Variants in TMEM117 observed in about 807,000 individuals in gnomAD.
TMEM117 encodes the protein transmembrane protein 117.
A neutral mutation model predicts 52.4 loss-of-function variants in TMEM117; 27 were observed. That is an observed-to-expected ratio of 0.51 (90% CI 0.38 to 0.71). The LOEUF (loss-of-function observed/expected upper bound fraction) is 0.71. Ranked by LOEUF, TMEM117 falls within the 30% of genes least tolerant of loss-of-function variation. The pLI is 0.00. For missense variants in TMEM117, 556 were observed against 630.5 expected, an observed-to-expected ratio of 0.88 and a Z score of 1.26; for synonymous variants, 215 against 206.3, an observed-to-expected ratio of 1.04 and a Z score of -0.36.
At chr12:44,222,880 A>G (rs1949807503) in intron 5 of TMEM117, among the ~76,000 whole-genome samples, 1 of 152,174 alleles carries the variant, frequency 6.6e-6, no homozygotes, top group Non-Finnish European at 1.5e-5. Flanking sequence ...CTTTCTAGCA[A>G]TATAAATCTT....
rs1952131812 is a variant in TMEM117 at position 44,388,733 on chromosome 12, A to G, written c.*61A>G. 1.3e-6 allele frequency: 2 copies of G among 1,560,198 alleles called. No homozygotes were observed. The highest frequency in any genetic ancestry group is 8.7e-7 in the Non-Finnish European group (1 of 1,153,692). Reference sequence around the variant, plus strand: ...ACCTTGAGTGTAACTTTAAAAATTTAGTCTTTCCTTTTGTATATGTAAGGT... The same window carrying G: ...ACCTTGAGTGTAACTTTAAAAATTTGGTCTTTCCTTTTGTATATGTAAGGT... On this transcript the variant is annotated 3_prime_UTR_variant, in exon 8 of 8. Transcript: ENST00000266534.
intron 4 of TMEM117, among the ~76,000 whole-genome samples, chr12:44,167,582 G>A (rs1948986037): frequency 2.0e-5 from 3 of 151,628 alleles, no homozygotes; most frequent in South Asian, 4.1e-4. Flanking sequence ...CAGGAGCATC[G>A]CTTGAACCCG....
chr12:44,377,350 G>A (rs996733038), intron 7 of TMEM117, among the ~76,000 whole-genome samples: 2 of 152,064 alleles, frequency 1.3e-5, no homozygotes, highest in African/African-American at 4.8e-5. Context: ...TGGTATCCTA[G>A]AGCCCCAATC....
intron 4 of TMEM117, among the ~76,000 whole-genome samples, chr12:44,192,235 G>A (rs1949364623): frequency 6.6e-6 from 1 of 152,156 alleles, no homozygotes; most frequent in Non-Finnish European, 1.5e-5. Flanking sequence ...TGAGCCAGTG[G>A]TCCACTCCCA....
chr12:44,388,060 C>A lies in TMEM117; in HGVS notation c.933C>A (p.Val311=). The stretch of plus-strand genomic sequence containing the variant: ...TTAACTATGGAATTATCTTCCTCGT[C>A]TTGATTTTGGATCTTAATATGTGGA... ...KWFNYGIIFL[V]LILDLNMWKN... The change falls in exon 8 of 8, where the codon GTC becomes GTA. Residue 311 remains valine, a synonymous_variant. Transcript: ENST00000266534. The A allele has an allele frequency of 6.2e-7, 1 of 1,611,738 alleles. No homozygotes were observed. The highest frequency in any genetic ancestry group is 1.1e-5 in the South Asian group (1 of 90,914).
intron 6 of TMEM117, among the ~76,000 whole-genome samples, chr12:44,343,863 G>A (rs185370082): frequency 1.1e-3 from 164 of 152,248 alleles, no homozygotes; most frequent in South Asian, 1.5e-3. Flanking sequence ...TTTCAAGCCT[G>A]GGGAGCTTGG....
chr12:44,026,864 A>G (rs1946541940), intron 3 of TMEM117, among the ~76,000 whole-genome samples: 1 of 151,902 alleles, frequency 6.6e-6, no homozygotes, highest in Non-Finnish European at 1.5e-5. Flanking sequence ...AAGAACAAGA[A>G]CATTCTTGTT....
At chr12:43,912,507 TTATATA>T (rs56170922) in intron 2 of TMEM117, among the ~76,000 whole-genome samples, 6,727 of 131,942 alleles carry the variant, frequency 0.051, 335 homozygotes, top group Middle Eastern at 0.13. Context: ...TAATAATAAT[TTATATA>T]TATATATATA....
At chr12:44,203,489 T>G (rs1411538555) in intron 4 of TMEM117, among the ~76,000 whole-genome samples, 1 of 152,174 alleles carries the variant, frequency 6.6e-6, no homozygotes, top group Non-Finnish European at 1.5e-5. Flanking sequence ...TCATTTCTCC[T>G]GCTAGCTTTG....
chr12:44,029,668 A>C (rs996016668), intron 3 of TMEM117, among the ~76,000 whole-genome samples: 2 of 152,192 alleles, frequency 1.3e-5, no homozygotes, highest in South Asian at 4.1e-4. Flanking sequence ...TGTTTATTAA[A>C]GTTTTGATTA....
intron 3 of TMEM117, among the ~76,000 whole-genome samples, chr12:44,080,293 C>A (rs778216686): frequency 6.6e-6 from 1 of 152,038 alleles, no homozygotes; most frequent in African/African-American, 2.4e-5. Context: ...GAAGCAAACA[C>A]GTCCCTCTTC....
At chr12:43,956,598 C>A (rs1205842846) in intron 3 of TMEM117, among the ~76,000 whole-genome samples, 3 of 149,494 alleles carry the variant, frequency 2.0e-5, no homozygotes, top group Admixed American at 2.0e-4. Flanking sequence ...ATCAAAACCA[C>A]AATGAGATAC....
chr12:43,977,416 T>C (rs1945689801), intron 3 of TMEM117, among the ~76,000 whole-genome samples: 1 of 152,170 alleles, frequency 6.6e-6, no homozygotes, highest in South Asian at 2.1e-4. Flanking sequence ...ACAGAGGACC[T>C]GAGGGGGTAT....
At chr12:44,133,777 A>G (rs139999889) in intron 3 of TMEM117, among the ~76,000 whole-genome samples, 1 of 152,254 alleles carries the variant, frequency 6.6e-6, no homozygotes, top group Admixed American at 6.5e-5. Flanking sequence ...GGCCAAGCAC[A>G]AATGGGGAAA....
chr12:44,349,197 G>T (rs1448317442), intron 6 of TMEM117, among the ~76,000 whole-genome samples: 1 of 151,988 alleles, frequency 6.6e-6, no homozygotes, highest in Non-Finnish European at 1.5e-5. Flanking sequence ...GTTTGATGGA[G>T]TGTGCCTCTT....
At chr12:44,145,263 G>A (rs1052733101) in intron 4 of TMEM117, among the ~76,000 whole-genome samples, 2 of 152,120 alleles carry the variant, frequency 1.3e-5, no homozygotes, top group Non-Finnish European at 2.9e-5. Context: ...TTGAGGGGAT[G>A]TTTAAAAAAA....
intron 4 of TMEM117, among the ~76,000 whole-genome samples, chr12:44,201,891 G>T (rs1313854213): frequency 1.3e-5 from 2 of 152,024 alleles, no homozygotes; most frequent in South Asian, 4.1e-4. Context: ...ATTAAATATA[G>T]TGTAAGAAAG....
At chr12:44,044,019 C>T (rs1431880467) in intron 3 of TMEM117, among the ~76,000 whole-genome samples, 1 of 152,176 alleles carries the variant, frequency 6.6e-6, no homozygotes, top group Non-Finnish European at 1.5e-5. Context: ...AATGCCTGCC[C>T]TCCCTTGTTT....
At chr12:44,229,744 C>G (rs1949909546) in intron 5 of TMEM117, among the ~76,000 whole-genome samples, 2 of 152,012 alleles carry the variant, frequency 1.3e-5, no homozygotes, top group Admixed American at 1.3e-4. Context: ...CCTTTGGGAG[C>G]CATAATTAAT....
Sources: allele counts gnomAD v4.1 joint callset (sites outside exome capture counted in the v4.1 genomes callset), GRCh38; gene constraint gnomAD v4.1.1; transcripts MANE v1.5; gene names NCBI Gene and HGNC (gene_info 2026-07-23, HGNC 2026-07-21).